The following KIAA0586 variants were observed in gnomAD, a reference collection of about 807,000 sequenced individuals.
The protein encoded by KIAA0586 is KIAA0586.
Under a neutral mutation model 169.8 loss-of-function variants are expected in KIAA0586, and 144 were observed. That is an observed-to-expected ratio of 0.85 (90% CI 0.74 to 0.97). KIAA0586 has a LOEUF of 0.97. KIAA0586 is among the 50% of genes least tolerant of loss of function. KIAA0586 has a pLI of 0.00. For synonymous variants in KIAA0586, 625 were observed against 612.4 expected (o/e 1.02, Z -0.30); for missense variants, 1,854 against 1,823.0 (o/e 1.02, Z -0.31).
In KIAA0586 at chr14:58,457,964, C is replaced by T. The variant is rs556274091; in HGVS notation, c.1568C>T (p.Ala523Val). 1.4e-4 allele frequency: 216 copies of T among 1,588,796 alleles called. 1 individual carries two copies. The South Asian group carries it at 2.3e-3, about 17-fold the overall frequency. Residue 523 changes from alanine (A) to valine (V), a missense_variant, in exon 11 of 31, where the codon GCT (alanine) becomes GTT (valine). Ala to Val is a moderately conservative substitution (Grantham distance 64, BLOSUM62 0). Coordinates refer to ENST00000652326, the MANE Select transcript of KIAA0586 (RefSeq NM_001329943.3). ...GCTGCCATGTATTCGCTTATCAATG[C>T]TTTATCTACCAACAGGTAAGAGGAT... is the stretch of plus-strand genomic sequence containing the variant. ...DGAAMYSLIN[A>V]LSTNREMSEK...
chr14:58,488,825 C>T lies in KIAA0586; in HGVS notation c.3732C>T (p.Ile1244=). The part of the protein sequence containing the change: ...VTETETLDKP[I]SEGEILFSCG... ...AAACTGAAACTTTAGATAAACCCATCTCTGAAGGAGAGATTTTATTTAGCT... is the reference window on the plus strand; with the variant it reads ...AAACTGAAACTTTAGATAAACCCATTTCTGAAGGAGAGATTTTATTTAGCT... Residue 1244 remains isoleucine (I), a synonymous_variant, in exon 24 of 31, where the codon ATC becomes ATT. Coordinates refer to ENST00000652326, the MANE Select transcript of KIAA0586 (RefSeq NM_001329943.3). 1 of 1,613,856 alleles carries T rather than the reference C, an allele frequency of 6.2e-7. No individual in the cohort carries two copies.
At chr14:58,493,858 A>G (rs1189973756) in intron 26 of KIAA0586, among the ~76,000 whole-genome samples, 3 of 152,062 alleles carry the variant, frequency 2.0e-5, no homozygotes. Context: ...GAGAAAGCGC[A>G]TGTGCGGGTG....
At chr14:58,499,684 G>A (rs529652707) in intron 27 of KIAA0586, among the ~76,000 whole-genome samples, 8 of 152,028 alleles carry the variant, frequency 5.3e-5, no homozygotes, top group Admixed American at 3.9e-4. Flanking sequence ...TCAGCCTCCC[G>A]AGTAGCTGGG....
intron 1 of KIAA0586, among the ~76,000 whole-genome samples, chr14:58,428,917 A>G (rs1000418708): frequency 1.3e-5 from 2 of 152,150 alleles, no homozygotes; most frequent in East Asian, 3.9e-4. Flanking sequence ...TAAGGATAAC[A>G]TATGCTTTAC....
At chr14:58,458,026 C>T in intron 11 of KIAA0586, 47 bp downstream of exon 11, 1 of 1,231,528 alleles carries the variant, frequency 8.1e-7, no homozygotes, top group Non-Finnish European at 1.1e-6. Flanking sequence ...CTGTCAGTTC[C>T]ACTTTCTTCA....
intron 21 of KIAA0586, among the ~76,000 whole-genome samples, chr14:58,486,636 A>T (rs1464716218): frequency 6.6e-6 from 1 of 152,246 alleles, no homozygotes; most frequent in Non-Finnish European, 1.5e-5. Context: ...CTTGCTATGT[A>T]CCCACAAAAA....
rs2037042827 is a variant in KIAA0586, at chr14:58,428,430, G to A, written c.166G>A (p.Gly56Arg). 6.2e-7 allele frequency: 1 copy of A among 1,613,892 alleles called. No homozygotes were observed. The highest frequency in any genetic ancestry group is 8.5e-7 in the Non-Finnish European group (1 of 1,179,800). Residue 56 changes from glycine (G) to arginine (R), a missense_variant, in exon 1 of 31, where the codon GGA (glycine) becomes AGA (arginine). Coordinates refer to ENST00000652326, the MANE Select transcript of KIAA0586 (RefSeq NM_001329943.3). The stretch of plus-strand genomic sequence containing the variant: ...GTCTGCAAATAAACGTCTTCCTGTT[G>A]GAACGGGGACTAGTTTGAATGGAAC... ...ALSANKRLPVGTGTSLNGTSR... is the reference protein window; with the variant it reads ...ALSANKRLPVRTGTSLNGTSR...
chr14:58,492,388 G>A lies in KIAA0586; in HGVS notation c.3990+113G>A, dbSNP rs907070633. 2.1e-5 allele frequency: 16 copies of A among 779,132 alleles called. No homozygotes were observed. In the Admixed American group the frequency reaches 4.7e-4, roughly 23 times the overall value. 48.3% of individuals were successfully genotyped at this position (779,132 alleles called of 1,614,324 possible). The stretch of plus-strand genomic sequence containing the variant: ...AGTATTTTGGTTTTTTCAAGGGTCA[G>A]TGTTACAGCAACTTTAACTTGGAAT... On this transcript the variant is annotated intron_variant, in intron 26 of 30. Transcript: ENST00000652326.
chr14:58,465,527 GT>G (rs2040686611), intron 14 of KIAA0586, among the ~76,000 whole-genome samples: 1 of 152,152 alleles, frequency 6.6e-6, no homozygotes, highest in African/African-American at 2.4e-5. Context: ...TGAGCTGCCT[GT>G]TTTTATAAAG....
chr14:58,432,507 C>T, intron 4 of KIAA0586, 50 bp downstream of exon 4: 1 of 1,000,908 alleles, frequency 1.0e-6, no homozygotes, highest in Non-Finnish European at 1.5e-6. Context: ...TGTAAATCAG[C>T]TTCATTTGTA....
chr14:58,474,597 T>C lies in KIAA0586; in HGVS notation c.2635-10T>C. 1 of 1,555,554 alleles carries C rather than the reference T, an allele frequency of 6.4e-7. No individual in the cohort carries two copies. The highest frequency in any genetic ancestry group is 2.1e-5 in the Admixed American group (1 of 46,936). Reference sequence around the variant, plus strand: ...CATGAATATAATAGTTTTGTTTTTGTTACTACCAGGAAGAAGAAAAATGTG... The same window carrying C: ...CATGAATATAATAGTTTTGTTTTTGCTACTACCAGGAAGAAGAAAAATGTG... On this transcript the variant is annotated splice_polypyrimidine_tract_variant and intron_variant, in intron 18 of 30. Transcript: ENST00000652326.
chr14:58,462,445 G>A (rs1365142324), intron 14 of KIAA0586, among the ~76,000 whole-genome samples: 4 of 151,908 alleles, frequency 2.6e-5, no homozygotes, highest in Admixed American at 2.6e-4. Flanking sequence ...TAGAGACAGG[G>A]TTTTGCCACA....
intron 27 of KIAA0586, 134 bp downstream of exon 27, chr14:58,499,094 G>T: frequency 1.3e-6 from 1 of 743,178 alleles, no homozygotes; most frequent in Non-Finnish European, 2.1e-6. Context: ...TGGAAAGTTT[G>T]GTGATAACTT....
At chr14:58,435,870 G>T (rs995076856) in intron 4 of KIAA0586, among the ~76,000 whole-genome samples, 1 of 152,060 alleles carries the variant, frequency 6.6e-6, no homozygotes, top group Non-Finnish European at 1.5e-5. Context: ...ACCATGCCCG[G>T]CTGATTTTTT....
intron 14 of KIAA0586, among the ~76,000 whole-genome samples, chr14:58,463,204 A>G (rs1348005959): frequency 1.3e-5 from 2 of 152,164 alleles, no homozygotes; most frequent in Non-Finnish European, 1.5e-5. Flanking sequence ...CATTCTATTC[A>G]AAGAATTATC....
chr14:58,484,828 C>G (rs2042258881), intron 21 of KIAA0586, among the ~76,000 whole-genome samples: 1 of 130,432 alleles, frequency 7.7e-6, no homozygotes, highest in African/African-American at 2.9e-5. Flanking sequence ...AAAGGGTAAT[C>G]ACCTTATATA....
chr14:58,482,769 C>A, intron 21 of KIAA0586, 57 bp downstream of exon 21: 3 of 1,167,920 alleles, frequency 2.6e-6, no homozygotes, highest in Non-Finnish European at 3.6e-6. Context: ...GAATTTTAAG[C>A]TGCATACCAT....
Position 58,448,410 on chromosome 14 carries a change from T to C in KIAA0586, c.878T>C (p.Val293Ala), listed in dbSNP as rs1205403299. ...QPVSMPSSRA[V>A]EKYSVKPEHP... Reference sequence around the variant, plus strand: ...GTTAGTATGCCCTCCTCCAGAGCAGTGGAAAAGTATTCCGTAAAACCAGAA... The same window carrying C: ...GTTAGTATGCCCTCCTCCAGAGCAGCGGAAAAGTATTCCGTAAAACCAGAA... The change falls in exon 7 of 31, where the codon GTG (valine) becomes GCG (alanine). Residue 293 changes from valine to alanine, a missense_variant. Physicochemically the swap from Val to Ala is moderately conservative, Grantham distance 64 (BLOSUM62 0). Coordinates refer to ENST00000652326, the MANE Select transcript of KIAA0586 (RefSeq NM_001329943.3). 1 of 1,610,504 alleles carries C rather than the reference T, an allele frequency of 6.2e-7. No homozygotes were observed. The highest frequency in any genetic ancestry group is 1.3e-5 in the African/African-American group (1 of 74,968).
At chr14:58,526,275 T>C (rs2045578936) in intron 29 of KIAA0586, among the ~76,000 whole-genome samples, 1 of 152,116 alleles carries the variant, frequency 6.6e-6, no homozygotes, top group Non-Finnish European at 1.5e-5. Context: ...AGACACCTCC[T>C]AGCAGGGGTT....
Sources: gnomAD v4.1 joint callset for allele counts (sites outside exome capture counted in the v4.1 genomes callset) on GRCh38, gnomAD v4.1.1 for gene constraint, MANE v1.5 for transcripts, NCBI Gene and HGNC (gene_info 2026-07-23, HGNC 2026-07-21) for gene names.